Variants in PCNX2 observed in about 807,000 individuals in gnomAD.
The protein encoded by PCNX2 is pecanex 2.
In PCNX2, 168 loss-of-function variants were observed where a neutral mutation model predicts 223.8. That is an observed-to-expected ratio of 0.75 (90% confidence interval 0.66 to 0.85). The LOEUF (loss-of-function observed/expected upper bound fraction) is 0.85, where lower values mean the gene tolerates loss of function less well. PCNX2 is among the 40% of genes least tolerant of loss of function. PCNX2 has a pLI of 0.00. For synonymous variants in PCNX2, 1,006 were observed against 1,052.6 expected (o/e 0.96, Z 0.86); for missense variants, 2,507 against 2,675.5 (o/e 0.94, Z 1.39).
intron 25 of PCNX2, among the ~76,000 whole-genome samples, chr1:233,035,126 T>C (rs1671408631): frequency 6.6e-6 from 1 of 152,076 alleles, no homozygotes; most frequent in Admixed American, 6.6e-5. Context: ...TTAAACATGG[T>C]CCCCTGCAAC....
At chr1:233,074,374 C>A (rs561405048) in intron 23 of PCNX2, among the ~76,000 whole-genome samples, 1 of 152,014 alleles carries the variant, frequency 6.6e-6, no homozygotes, top group South Asian at 2.1e-4. Context: ...GCGGGCAGAT[C>A]ACGAGGTCAG....
chr1:233,215,383 C>T (rs969408066), intron 12 of PCNX2, among the ~76,000 whole-genome samples: 1 of 152,194 alleles, frequency 6.6e-6, no homozygotes, highest in Non-Finnish European at 1.5e-5. Flanking sequence ...AGTTAAATGT[C>T]TGACTATGTC....
chr1:233,021,617 G>T (rs560478894), intron 26 of PCNX2, among the ~76,000 whole-genome samples: 120 of 152,304 alleles, frequency 7.9e-4, no homozygotes, highest in African/African-American at 2.8e-3. Flanking sequence ...CTCCAGGTTT[G>T]CCCTGGCTCT....
chr1:233,236,706 C>T, intron 9 of PCNX2, 139 bp downstream of exon 9: 1 of 1,224,828 alleles, frequency 8.2e-7, no homozygotes, highest in African/African-American at 1.5e-5. Context: ...GACTGCCTTG[C>T]AGTGATATAT....
intron 32 of PCNX2, among the ~76,000 whole-genome samples, chr1:232,987,147 A>G (rs914059027): frequency 6.6e-6 from 1 of 152,140 alleles, no homozygotes; most frequent in Non-Finnish European, 1.5e-5. Flanking sequence ...CTTGCTTCCC[A>G]TGCTCTTCTC....
chr1:233,018,612 A>G (rs1670768208), intron 26 of PCNX2, among the ~76,000 whole-genome samples: 1 of 152,208 alleles, frequency 6.6e-6, no homozygotes, highest in South Asian at 2.1e-4. Flanking sequence ...GGGACAGAGG[A>G]AATGAAAATC....
intron 13 of PCNX2, among the ~76,000 whole-genome samples, chr1:233,204,638 G>A (rs1339608360): frequency 1.3e-5 from 2 of 152,206 alleles, no homozygotes; most frequent in East Asian, 1.9e-4. Flanking sequence ...GAAAAGTAGT[G>A]TAAGCCACTA....
chr1:233,245,464 C>T (rs1397668502), intron 8 of PCNX2, among the ~76,000 whole-genome samples: 1 of 152,190 alleles, frequency 6.6e-6, no homozygotes, highest in East Asian at 1.9e-4. Flanking sequence ...AGGGAATCAC[C>T]TAGGGGCATC....
At chr1:233,010,193 G>A (rs1459191765) in intron 28 of PCNX2, among the ~76,000 whole-genome samples, 1 of 152,196 alleles carries the variant, frequency 6.6e-6, no homozygotes, top group Non-Finnish European at 1.5e-5. Context: ...AAGCTCAGGA[G>A]GAGAAGTTGA....
At chr1:232,999,705 C>T (rs1255899934) in intron 30 of PCNX2, 2 of 263,204 alleles carry the variant, frequency 7.6e-6, no homozygotes, top group African/African-American at 2.3e-5. Context: ...CCACACGCCT[C>T]GGCCAATCTA....
chr1:233,094,212 T>C (rs151081804), intron 22 of PCNX2, among the ~76,000 whole-genome samples: 2 of 152,352 alleles, frequency 1.3e-5, no homozygotes, highest in South Asian at 4.1e-4. Context: ...GTGTAACTCC[T>C]CAACAACAAA....
intron 25 of PCNX2, among the ~76,000 whole-genome samples, chr1:233,040,632 C>G (rs1169837429): frequency 6.6e-6 from 1 of 152,160 alleles, no homozygotes; most frequent in East Asian, 1.9e-4. Flanking sequence ...TATGGCCTCT[C>G]TGGTCATTCC....
chr1:233,218,395 C>A (rs992027798), intron 10 of PCNX2, among the ~76,000 whole-genome samples: 2 of 148,586 alleles, frequency 1.3e-5, no homozygotes, highest in Non-Finnish European at 3.0e-5. Flanking sequence ...ACTACAGGCA[C>A]CCGCCACCAA....
intron 25 of PCNX2, among the ~76,000 whole-genome samples, chr1:233,036,575 A>G (rs1671462868): frequency 6.6e-6 from 1 of 151,816 alleles, no homozygotes; most frequent in Admixed American, 6.6e-5. Flanking sequence ...GGGTGCAGAG[A>G]GCCAAGATTG....
upstream of PCNX2, among the ~76,000 whole-genome samples, chr1:233,296,001 TC>T (rs202178491): frequency 7.7e-3 from 1,100 of 143,246 alleles, 39 homozygotes; most frequent in Middle Eastern, 0.014. Flanking sequence ...TTTCTTTCTT[TC>T]TTTTTTTTTT....
intron 33 of PCNX2, 163 bp from the exon 34 acceptor site, chr1:232,984,640 T>C (rs1022943210): frequency 4.2e-6 from 3 of 714,796 alleles, no homozygotes; most frequent in Admixed American, 3.2e-5. Context: ...GCCAGCACAG[T>C]GGCCTCTGAG....
intron 32 of PCNX2, among the ~76,000 whole-genome samples, chr1:232,995,069 G>A (rs1669832411): frequency 6.6e-6 from 1 of 152,200 alleles, no homozygotes; most frequent in Non-Finnish European, 1.5e-5. Flanking sequence ...CAGTGAATGT[G>A]CACATGAAAG....
rs1001162242 is a variant in PCNX2, at chr1:233,291,734, T to G, written c.153+3592A>C. The G allele has an allele frequency of 6.1e-6, 6 of 977,026 alleles. No individual in the cohort carries two copies. In the Admixed American group the frequency reaches 3.2e-4, roughly 53 times the overall value. The allele number at this position is 977,026 out of a possible 1,614,324, so 60.5% of individuals were successfully genotyped here. ...CCCTGCTGTAAAGAACACTCTGCTC[T>G]GAATCTCCATTAATTATCATCTCAA... On this transcript the variant is annotated intron_variant, in intron 1 of 33. Coordinates refer to ENST00000258229, the MANE Select transcript of PCNX2 (RefSeq NM_014801.4).
At chr1:233,240,840 T>C (rs1658720048) in intron 8 of PCNX2, among the ~76,000 whole-genome samples, 1 of 152,190 alleles carries the variant, frequency 6.6e-6, no homozygotes, top group South Asian at 2.1e-4. Context: ...GTTTCCACCA[T>C]CTGAGCTTCT....
Sources: allele counts gnomAD v4.1 joint callset (sites outside exome capture counted in the v4.1 genomes callset), GRCh38; gene constraint gnomAD v4.1.1; transcripts MANE v1.5; gene names NCBI Gene and HGNC (gene_info 2026-07-23, HGNC 2026-07-21).